The following GPRIN2 variants were observed in gnomAD, a reference collection of about 807,000 sequenced individuals.
The protein encoded by GPRIN2 is G protein-regulated inducer of neurite outgrowth 2.
In GPRIN2, 1 loss-of-function variant was observed where a neutral mutation model predicts 0.3. That is an observed-to-expected ratio of 3.90 (90% CI 1.39 to 18.51). GPRIN2 has a LOEUF of 18.51. GPRIN2 is among the 30% of genes most tolerant of loss of function. The probability of loss-of-function intolerance (pLI) is 0.11; values close to 1 mark genes in which losing one functional copy is unlikely to be tolerated. For synonymous variants in GPRIN2, 361 were observed against 258.6 expected (o/e 1.40, Z -3.80); for missense variants, 880 against 604.2 (o/e 1.46, Z -4.79).
Position 46,548,988 on chromosome 10 carries a change from G to C in GPRIN2, c.*372C>G, listed in dbSNP as rs1262201533. ...CGAGAATTCACTATTTCTCAGCACT[G>C]ATTTCAAATAAAGCCACCAAGAGTC... is the stretch of plus-strand genomic sequence containing the variant. On this transcript the variant is annotated 3_prime_UTR_variant, in exon 3 of 3. Transcript: ENST00000374314. 1 of 308,646 alleles carries C rather than the reference G, an allele frequency of 3.2e-6. No homozygotes were observed. The highest frequency in any genetic ancestry group is 2.2e-5 in the African/African-American group (1 of 46,322). The allele number at this position is 308,646 out of a possible 1,614,324, so 19.1% of individuals were successfully genotyped here.
chr10:46,550,165 GC>G lies in GPRIN2; in HGVS notation c.571del (p.Ala191ArgfsTer9), dbSNP rs1832459344. ...ETSNSAWMLG[A>X]SQLSVPPLDL... ...TAGTGGTGGCACTGACAACTGACTC[GC>G]CCCCAGCATCCAGGCTGAGTTAGAA... is the stretch of plus-strand genomic sequence containing the variant. On this transcript the variant is annotated frameshift_variant, in exon 3 of 3. Coordinates refer to ENST00000374314, the MANE Select transcript of GPRIN2 (RefSeq NM_001385282.1). LOFTEE classifies it low-confidence loss of function (END_TRUNC). The G allele has an allele frequency of 2.5e-6, 4 of 1,598,416 alleles. No homozygotes were observed. The highest frequency in any genetic ancestry group is 2.2e-5 in the East Asian group (1 of 44,638).
At position 46,550,024 on chromosome 10, in the gene GPRIN2, A is replaced by G. The variant is rs1832511427; in HGVS notation, c.713T>C (p.Met238Thr). 6.2e-7 allele frequency: 1 copy of G among 1,613,872 alleles called. No homozygotes were observed. Among genetic ancestry groups the G allele is most frequent in the African/African-American group, 1.3e-5 (1 of 74,962 alleles). The part of the protein sequence containing the change: ...ALPPAALLCG[M>T]REVRAGGCCH... Reference sequence around the variant, plus strand: ...GCAGCCACCAGCCCTCACCTCCCTCATGCCACAGAGTAGAGCAGCTGGGGG... The same window carrying G: ...GCAGCCACCAGCCCTCACCTCCCTCGTGCCACAGAGTAGAGCAGCTGGGGG... The change falls in exon 3 of 3, where the codon ATG becomes ACG. Residue 238 changes from methionine (M) to threonine (T), a missense_variant. Coordinates refer to ENST00000374314, the MANE Select transcript of GPRIN2 (RefSeq NM_001385282.1).
chr10:46,548,473 G>A lies in GPRIN2; in HGVS notation c.*887C>T, dbSNP rs1399611322. ...TGAAAATAGTGCAATTTTAGGCTTT[G>A]TAACTGAGATTAGGGCAGGTGGCCA... On this transcript the variant is annotated 3_prime_UTR_variant, in exon 3 of 3. Transcript: ENST00000374314. Among the ~76,000 whole-genome samples the A allele has an allele frequency of 1.3e-5, 2 of 152,424 alleles. No homozygotes were observed. The highest frequency in any genetic ancestry group is 3.9e-4 in the East Asian group (2 of 5,192).
In GPRIN2 at chr10:46,550,704, C is replaced by T; in HGVS notation, c.33G>A (p.Trp11Ter). 1 of 1,510,016 alleles carries T rather than the reference C, an allele frequency of 6.6e-7. No individual in the cohort carries two copies. The highest frequency in any genetic ancestry group is 8.8e-7 in the Non-Finnish European group (1 of 1,131,582). The allele number at this position is 1,510,016 out of a possible 1,614,324, so 93.5% of individuals were successfully genotyped here. A position where few individuals can be genotyped will look rare whatever the true frequency, so the allele number is the denominator to read the frequency against. MSSSRPEPGP[W>*]APLSPRLQPL... ...GCTGAAGGCGGGGGCTCAGGGGTGCCCAGGGACCCGGCTCGGGGCGGCTGG... is the reference window on the plus strand; with the variant it reads ...GCTGAAGGCGGGGGCTCAGGGGTGCTCAGGGACCCGGCTCGGGGCGGCTGG... Residue 11 changes from tryptophan to a stop codon, truncating the protein, a stop_gained, in exon 3 of 3, where the codon TGG (tryptophan) becomes TGA (stop). Coordinates refer to ENST00000374314, the MANE Select transcript of GPRIN2 (RefSeq NM_001385282.1). LOFTEE classifies it low-confidence loss of function (END_TRUNC).
chr10:46,557,064 C>G (rs1485816920), upstream of GPRIN2, among the ~76,000 whole-genome samples: 2 of 151,694 alleles, frequency 1.3e-5, no homozygotes, highest in Non-Finnish European at 3.0e-5. Flanking sequence ...CACCACGCCC[C>G]GCATTGAGGT....
Position 46,542,969 on chromosome 10 carries a change from T to G in GPRIN2, c.*6391A>C, listed in dbSNP as rs1833047803. 2.1e-3 allele frequency among the ~76,000 whole-genome samples: 327 copies of G among 152,170 alleles called. No individual in the cohort carries two copies. The highest frequency in any genetic ancestry group is 7.5e-3 in the African/African-American group (311 of 41,370). ...AGCCACCAACAAGGGCCACCAAAAG[T>G]TAGGACTGATGGGGTGCCCTTCCAG... On this transcript the variant is annotated 3_prime_UTR_variant, in exon 3 of 3. Transcript: ENST00000374314.
At chr10:46,553,102 T>TC in intron 2 of GPRIN2, among the ~76,000 whole-genome samples, 1 of 152,422 alleles carries the variant, frequency 6.6e-6, no homozygotes. Context: ...TTATCTCCAT[T>TC]CTACAGACAG....
At position 46,543,356 on chromosome 10, in the gene GPRIN2, A is replaced by G. The variant is rs1841893691; in HGVS notation, c.*6004T>C. On this transcript the variant is annotated 3_prime_UTR_variant, in exon 3 of 3. Coordinates refer to ENST00000374314, the MANE Select transcript of GPRIN2 (RefSeq NM_001385282.1). ...TACAATGGACAGTGGGGAGGCAGAC[A>G]GGTTCTGAATAACCCAGAACAAAGA... 6.6e-6 allele frequency among the ~76,000 whole-genome samples: 1 copy of G among 152,308 alleles called. No homozygotes were observed. Among genetic ancestry groups the G allele is most frequent in the African/African-American group, 2.4e-5 (1 of 41,488 alleles).
Position 46,548,972 on chromosome 10 carries a change from A to C in GPRIN2, c.*388T>G. On this transcript the variant is annotated 3_prime_UTR_variant, in exon 3 of 3. Coordinates refer to ENST00000374314, the MANE Select transcript of GPRIN2 (RefSeq NM_001385282.1). ...GCCTCACATTTCATGTCGAGAATTC[A>C]CTATTTCTCAGCACTGATTTCAAAT... 3.8e-6 allele frequency: 1 copy of C among 266,414 alleles called. No homozygotes were observed. The allele number at this position is 266,414 out of a possible 1,614,324, so 16.5% of individuals were successfully genotyped here. A position where few individuals can be genotyped will look rare whatever the true frequency, so the allele number is the denominator to read the frequency against.
chr10:46,550,960 T>G (rs1842531771), intron 2 of GPRIN2, among the ~76,000 whole-genome samples: 1 of 152,308 alleles, frequency 6.6e-6, no homozygotes, highest in Admixed American at 6.5e-5. Flanking sequence ...ACACTGCAAA[T>G]TATCTCATCA....
rs1842056586 is a variant in GPRIN2 at position 46,545,252 on chromosome 10, T to A, written c.*4108A>T. Among the ~76,000 whole-genome samples the A allele has an allele frequency of 6.6e-6, 1 of 151,424 alleles. No individual in the cohort carries two copies. On this transcript the variant is annotated 3_prime_UTR_variant, in exon 3 of 3. Transcript: ENST00000374314. Reference sequence around the variant, plus strand: ...GCACAACTTCCCCCAAAATAGGCCCTACGACTCCAGCAGAAACCTACCCTG... The same window carrying A: ...GCACAACTTCCCCCAAAATAGGCCCAACGACTCCAGCAGAAACCTACCCTG...
At position 46,550,388 on chromosome 10, in the gene GPRIN2, TAGC is replaced by T. The variant is rs1832384126; in HGVS notation, c.346_348del (p.Ala116del). 16 of 1,612,112 alleles carry T rather than the reference TAGC, an allele frequency of 9.9e-6. No individual in the cohort carries two copies. The highest frequency in any genetic ancestry group is 1.6e-4 in the Middle Eastern group (1 of 6,084). ...ACCAGGTCTGAATGGCTCCTCTGCA[TAGC>T]AGCAGCACTAGGGGCCCGCAGGCGA... On this transcript the variant is annotated inframe_deletion, in exon 3 of 3. Transcript: ENST00000374314.
rs1832624748 is a variant in GPRIN2, at chr10:46,549,692, C to A, written c.1045G>T (p.Ala349Ser). ...GGCGCTTCCAGGGACGGACTGGTGGCCACAGCCTTGCAGGCCGCCACTGGG... is the reference window on the plus strand; with the variant it reads ...GGCGCTTCCAGGGACGGACTGGTGGACACAGCCTTGCAGGCCGCCACTGGG... Reference protein sequence around the residue: ...AAPVAACKAVATSPSLEAPAA... With the variant: ...AAPVAACKAVSTSPSLEAPAA... Residue 349 changes from alanine to serine, a missense_variant, in exon 3 of 3, where the codon GCC (alanine) becomes TCC (serine). Ala to Ser is a moderately conservative substitution (Grantham distance 99). Coordinates refer to ENST00000374314, the MANE Select transcript of GPRIN2 (RefSeq NM_001385282.1). 6.2e-7 allele frequency: 1 copy of A among 1,614,046 alleles called. No individual in the cohort carries two copies. Among genetic ancestry groups the A allele is most frequent in the Non-Finnish European group, 8.5e-7 (1 of 1,179,960 alleles).
Position 46,553,205 on chromosome 10 carries a change from G to A in GPRIN2, c.-7+1380C>T, listed in dbSNP as rs1339938488. On this transcript the variant is annotated intron_variant, in intron 2 of 2. Transcript: ENST00000374314. ...CCTCTCCCCTTCGAGCACTGAGCAG[G>A]CCTATGCCTCGCAGCTCTCACCCTT... Among the ~76,000 whole-genome samples the A allele has an allele frequency of 2.0e-5, 3 of 152,310 alleles. No individual in the cohort carries two copies. The East Asian group carries it at 5.8e-4, about 29-fold the overall frequency.
intron 2 of GPRIN2, among the ~76,000 whole-genome samples, chr10:46,551,638 C>T (rs1189044448): frequency 6.6e-6 from 1 of 152,310 alleles, no homozygotes; most frequent in African/African-American, 2.4e-5. Context: ...ACCTATCCTG[C>T]CTGACATTTA....
In GPRIN2 at chr10:46,549,645, T is replaced by C; in HGVS notation, c.1092A>G (p.Pro364=). The change falls in exon 3 of 3, where the codon CCA becomes CCG. Residue 364 remains proline, a synonymous_variant. Coordinates refer to ENST00000374314, the MANE Select transcript of GPRIN2 (RefSeq NM_001385282.1). ...LEAPAALHVF[P]EVTLGSSLEE... is the part of the protein sequence containing the mutation. ...CCAGGCTGGACCCCAGAGTTACCTC[T>C]GGGAACACATGCAGGGCTGCAGGCG... 1.2e-6 allele frequency: 2 copies of C among 1,614,244 alleles called. No individual in the cohort carries two copies. Among genetic ancestry groups the C allele is most frequent in the African/African-American group, 2.7e-5 (2 of 75,088 alleles).
At chr10:46,556,711 C>A (rs1485725259), upstream of GPRIN2, among the ~76,000 whole-genome samples, 12 of 152,048 alleles carry the variant, frequency 7.9e-5, no homozygotes, top group African/African-American at 1.9e-4. Flanking sequence ...GGGCGGCGGG[C>A]GGAGACCTCG....
Position 46,550,103 on chromosome 10 carries a change from G to T in GPRIN2, c.634C>A (p.Gln212Lys), listed in dbSNP as rs1337621457. Residue 212 changes from glutamine (Q) to lysine (K), a missense_variant, in exon 3 of 3, where the codon CAG (glutamine) becomes AAG (lysine). By Grantham distance (53) the Gln-to-Lys change is moderately conservative. Transcript: ENST00000374314. ...TGTTCAGCAGCTTTGGGCTCAGCCT[G>T]GGCACTGCTGCTGTGGGCAGTTGTG... is the stretch of plus-strand genomic sequence containing the variant. ...GDTTAHSSSA[Q>K]AEPKAAEQLA... The T allele has an allele frequency of 1.9e-6, 3 of 1,612,052 alleles. No individual in the cohort carries two copies. The highest frequency in any genetic ancestry group is 2.5e-6 in the Non-Finnish European group (3 of 1,179,294).
At chr10:46,552,109 A>C (rs1832144042) in intron 2 of GPRIN2, among the ~76,000 whole-genome samples, 1 of 143,376 alleles carries the variant, frequency 7.0e-6, no homozygotes, top group Admixed American at 7.0e-5. Context: ...GAGCTCACGG[A>C]GGGTGAGAGA....
Sources: allele counts gnomAD v4.1 joint callset (sites outside exome capture counted in the v4.1 genomes callset), GRCh38; gene constraint gnomAD v4.1.1; transcripts MANE v1.5; gene names NCBI Gene and HGNC (gene_info 2026-07-23, HGNC 2026-07-21).